The following PPM1E variants were observed in gnomAD, a reference collection of about 807,000 sequenced individuals.
PPM1E encodes protein phosphatase, Mg2+/Mn2+ dependent 1E, also known as protein phosphatase 1E.
Under a neutral mutation model 65.9 loss-of-function variants are expected in PPM1E, and 20 were observed. The observed-to-expected ratio is 0.30, with a 90% CI of 0.21 to 0.44. PPM1E has a LOEUF of 0.44. PPM1E is among the 20% of genes least tolerant of loss of function. The probability of loss-of-function intolerance (pLI) is 1.00; values close to 1 mark genes in which losing one functional copy is unlikely to be tolerated. For synonymous variants in PPM1E, 352 were observed against 374.9 expected (o/e 0.94, Z 0.70); for missense variants, 713 against 953.1 (o/e 0.75, Z 3.32).
intron 1 of PPM1E, among the ~76,000 whole-genome samples, chr17:58,805,898 G>T (rs2050300428): frequency 7.5e-6 from 1 of 132,690 alleles, no homozygotes; most frequent in African/African-American, 2.9e-5. Flanking sequence ...TTTCAATATG[G>T]ATCCAGACCA....
intron 1 of PPM1E, among the ~76,000 whole-genome samples, chr17:58,780,569 A>G (rs1598566348): frequency 1.3e-5 from 2 of 152,292 alleles, no homozygotes; most frequent in African/African-American, 4.8e-5. Flanking sequence ...TTGCTTGTTT[A>G]TATCTTTAAT....
chr17:58,918,755 G>A (rs1419333144), intron 1 of PPM1E, among the ~76,000 whole-genome samples: 4 of 126,796 alleles, frequency 3.2e-5, no homozygotes, highest in Admixed American at 2.9e-4. Context: ...GCAGTGAGCC[G>A]AGATCACACC....
In PPM1E at chr17:58,978,338, AT is replaced by A. The variant is rs565461354; in HGVS notation, c.1211-1635del. Among the ~76,000 whole-genome samples the A allele has an allele frequency of 3.9e-5, 6 of 152,270 alleles. No individual in the cohort carries two copies. The East Asian group carries it at 1.2e-3, about 29-fold the overall frequency. Reference sequence around the variant, plus strand: ...TTTCTTGTTTTTATAATACTATGTAATGATGATTTATGATACCCTACTCTAG... The same window carrying A: ...TTTCTTGTTTTTATAATACTATGTAAGATGATTTATGATACCCTACTCTAG... On this transcript the variant is annotated intron_variant, in intron 6 of 6. Coordinates refer to ENST00000308249, the MANE Select transcript of PPM1E (RefSeq NM_014906.5).
chr17:58,822,326 T>TTTTATTTATTTA (rs143533991), intron 1 of PPM1E, among the ~76,000 whole-genome samples: 9 of 141,944 alleles, frequency 6.3e-5, no homozygotes, highest in Non-Finnish European at 1.2e-4. Flanking sequence ...CTGAATTTAT[T>TTTTATTTATTTA]TTTATTTATT....
intron 1 of PPM1E, among the ~76,000 whole-genome samples, chr17:58,833,184 A>G (rs899171518): frequency 1.5e-4 from 22 of 151,642 alleles, no homozygotes; most frequent in Admixed American, 9.2e-4. Flanking sequence ...TCATATGACC[A>G]TTATCACATT....
chr17:58,809,448 A>G (rs965972213), intron 1 of PPM1E, among the ~76,000 whole-genome samples: 1 of 152,048 alleles, frequency 6.6e-6, no homozygotes, highest in Non-Finnish European at 1.5e-5. Context: ...GTGGGAGTGC[A>G]GTGGCGCGGC....
chr17:58,977,462 A>G (rs1435953018), intron 6 of PPM1E, among the ~76,000 whole-genome samples: 1 of 151,828 alleles, frequency 6.6e-6, no homozygotes, highest in African/African-American at 2.4e-5. Context: ...AAAAAGAAAT[A>G]ATGAATGAAT....
intron 1 of PPM1E, among the ~76,000 whole-genome samples, chr17:58,762,191 T>C (rs1339472441): frequency 6.6e-6 from 1 of 152,144 alleles, no homozygotes; most frequent in Non-Finnish European, 1.5e-5. Context: ...AAATGGAAAA[T>C]TGGCTTTAAA....
chr17:58,956,310 C>T (rs1266259897), intron 2 of PPM1E, among the ~76,000 whole-genome samples: 1 of 151,966 alleles, frequency 6.6e-6, no homozygotes, highest in Non-Finnish European at 1.5e-5. Flanking sequence ...GTGGTGCACA[C>T]CTGTGGTCCT....
At chr17:58,970,773 C>T (rs1027463268) in intron 4 of PPM1E, among the ~76,000 whole-genome samples, 18 of 152,114 alleles carry the variant, frequency 1.2e-4, no homozygotes, top group African/African-American at 3.9e-4. Flanking sequence ...CCTCAGAGCT[C>T]CAGTCTCTTG....
intron 1 of PPM1E, among the ~76,000 whole-genome samples, chr17:58,913,309 G>T (rs528934125): frequency 2.0e-5 from 3 of 152,250 alleles, no homozygotes; most frequent in Non-Finnish European, 4.4e-5. Context: ...AGTAGGAAAA[G>T]TGTTTGATTT....
At position 58,756,236 on chromosome 17, in the gene PPM1E, A is replaced by G. The variant is rs1427008647; in HGVS notation, c.239A>G (p.Asp80Gly). 1 of 1,552,306 alleles carries G rather than the reference A, an allele frequency of 6.4e-7. No individual in the cohort carries two copies. The highest frequency in any genetic ancestry group is 8.7e-7 in the Non-Finnish European group (1 of 1,147,642). ...ACGGTAGCCGCGACGGAGGAGGGGG[A>G]CCAGGAGCAAGACCCGGAGCCCGAG... ...AATVAATEEGDQEQDPEPEEE... is the reference protein window; with the variant it reads ...AATVAATEEGGQEQDPEPEEE... The change falls in exon 1 of 7, where the codon GAC (aspartate) becomes GGC (glycine). Residue 80 changes from aspartate (D) to glycine (G), a missense_variant. By Grantham distance (94) the Asp-to-Gly change is moderately conservative (BLOSUM62 -1). Transcript: ENST00000308249.
chr17:58,786,704 A>G (rs1229608657), intron 1 of PPM1E, among the ~76,000 whole-genome samples: 1 of 152,220 alleles, frequency 6.6e-6, no homozygotes, highest in African/African-American at 2.4e-5. Flanking sequence ...AAGTAAAACC[A>G]TGAATAAAGA....
chr17:58,911,661 G>A (rs530465198), intron 1 of PPM1E, among the ~76,000 whole-genome samples: 8 of 152,158 alleles, frequency 5.3e-5, no homozygotes, highest in Admixed American at 3.3e-4. Context: ...TCTTTTGTAC[G>A]TTTTTAATAT....
Position 58,756,165 on chromosome 17 carries a change from T to C in PPM1E, c.168T>C (p.Ala56=). 2 of 1,583,470 alleles carry C rather than the reference T, an allele frequency of 1.3e-6. No individual in the cohort carries two copies. The highest frequency in any genetic ancestry group is 2.7e-5 in the African/African-American group (2 of 74,578). ...AGCCCGAACCTGAACTGGTAGAAGC[T>C]GAGGCGGCCGAGGCTTCGGTAGAGG... ...EPEPEPELVE[A]EAAEASVEEP... Residue 56 remains alanine, a synonymous_variant, in exon 1 of 7, where the codon GCT becomes GCC. Transcript: ENST00000308249.
At chr17:58,810,137 A>G (rs1257426067) in intron 1 of PPM1E, among the ~76,000 whole-genome samples, 1 of 152,224 alleles carries the variant, frequency 6.6e-6, no homozygotes, top group Non-Finnish European at 1.5e-5. Flanking sequence ...ACGTGTGGAT[A>G]GCACAGATCT....
At chr17:58,846,674 T>C (rs1188009336) in intron 1 of PPM1E, among the ~76,000 whole-genome samples, 1 of 152,198 alleles carries the variant, frequency 6.6e-6, no homozygotes, top group Non-Finnish European at 1.5e-5. Flanking sequence ...CTACCATTGA[T>C]GGGCATTTGG....
At chr17:58,904,180 GAAGAA>G (rs963400567) in intron 1 of PPM1E, among the ~76,000 whole-genome samples, 133 of 152,242 alleles carry the variant, frequency 8.7e-4, no homozygotes, top group African/African-American at 3.1e-3. Flanking sequence ...TATAGAAGTT[GAAGAA>G]AAGAAGTTGA....
intron 1 of PPM1E, among the ~76,000 whole-genome samples, chr17:58,815,981 TA>T (rs1264285893): frequency 6.6e-6 from 1 of 152,130 alleles, no homozygotes; most frequent in Admixed American, 6.6e-5. Flanking sequence ...ATTGATACAA[TA>T]AAAAATTTTA....
Sources: gnomAD v4.1 joint callset for allele counts (sites outside exome capture counted in the v4.1 genomes callset) on GRCh38, gnomAD v4.1.1 for gene constraint, MANE v1.5 for transcripts, NCBI Gene and HGNC (gene_info 2026-07-23, HGNC 2026-07-21) for gene names.